The following CIC variants were observed in gnomAD, a reference collection of about 807,000 sequenced individuals.
CIC encodes capicua transcriptional repressor.
Under a neutral mutation model 115.7 loss-of-function variants are expected in CIC, and 18 were observed. The observed-to-expected ratio is 0.16, with a 90% CI of 0.11 to 0.23. CIC has a LOEUF of 0.23. CIC is among the 10% of genes least tolerant of loss of function. The probability of loss-of-function intolerance (pLI) is 1.00; values close to 1 mark genes in which losing one functional copy is unlikely to be tolerated. For missense variants in CIC, 2,000 were observed against 2,159.3 expected, an observed-to-expected ratio of 0.93 and a Z score of 1.46; for synonymous variants, 1,076 against 923.0, an observed-to-expected ratio of 1.17 and a Z score of -3.01.
chr19:42,293,941 C>G lies in CIC; in HGVS notation c.6774C>G (p.Val2258=). ...GACCCTGCCGGCCCTCCAGCAGGGT[C>G]CTGTCAGAAGTGGACTTCGAAGAGC... The part of the protein sequence containing the change: ...KKTFDSVDNR[V]LSEVDFEERF... Residue 2258 remains valine, a synonymous_variant, in exon 18 of 21, where the codon GTC becomes GTG. Coordinates refer to ENST00000681038, the MANE Select transcript of CIC (RefSeq NM_001386298.1). The G allele has an allele frequency of 6.2e-7, 1 of 1,613,162 alleles. No individual in the cohort carries two copies. Among genetic ancestry groups the G allele is most frequent in the Middle Eastern group, 1.6e-4 (1 of 6,062 alleles).
In CIC at chr19:42,295,446, A is replaced by G. The variant is rs899710997; in HGVS notation, c.*255A>G. The G allele has an allele frequency of 1.7e-5, 8 of 474,446 alleles. No individual in the cohort carries two copies. The Admixed American group carries it at 2.7e-4, about 16-fold the overall frequency. 29.4% of individuals were successfully genotyped at this position (474,446 alleles called of 1,614,324 possible). Reference sequence around the variant, plus strand: ...ATAACCTGGAGCGTGTGACCTTCAGAGCTTTTCACTTTATGCAAAATGGCT... The same window carrying G: ...ATAACCTGGAGCGTGTGACCTTCAGGGCTTTTCACTTTATGCAAAATGGCT... On this transcript the variant is annotated 3_prime_UTR_variant, in exon 21 of 21. Coordinates refer to ENST00000681038, the MANE Select transcript of CIC (RefSeq NM_001386298.1).
intron 2 of CIC, among the ~76,000 whole-genome samples, chr19:42,279,258 G>C (rs896894531): frequency 2.0e-5 from 3 of 152,206 alleles, no homozygotes; most frequent in Non-Finnish European, 4.4e-5. Context: ...ATCTCCACCA[G>C]CAGAAGCCAG....
chr19:42,273,911 A>G lies in CIC; in HGVS notation c.2128A>G (p.Ser710Gly), dbSNP rs1162161837. Residue 710 changes from serine to glycine, a missense_variant, in exon 2 of 21, where the codon AGC (serine) becomes GGC (glycine). Physicochemically the swap from Ser to Gly is moderately conservative, Grantham distance 56 (BLOSUM62 0). Coordinates refer to ENST00000681038, the MANE Select transcript of CIC (RefSeq NM_001386298.1). Reference protein sequence around the residue: ...QTNLTFTVPISPGRRKTELLP... With the variant: ...QTNLTFTVPIGPGRRKTELLP... ...CAACCTGACCTTCACCGTGCCCATCAGCCCTGGGCGACGGAAGACAGAGCT... is the reference window on the plus strand; with the variant it reads ...CAACCTGACCTTCACCGTGCCCATCGGCCCTGGGCGACGGAAGACAGAGCT... 5.0e-6 allele frequency: 2 copies of G among 397,914 alleles called. No homozygotes were observed. The highest frequency in any genetic ancestry group is 8.9e-6 in the Non-Finnish European group (2 of 225,974). The allele number at this position is 397,914 out of a possible 1,614,324, so 24.6% of individuals were successfully genotyped here.
Position 42,273,900 on chromosome 19 carries a change from C to G in CIC, c.2117C>G (p.Thr706Ser). 2.5e-6 allele frequency: 1 copy of G among 398,636 alleles called. No individual in the cohort carries two copies. Among genetic ancestry groups the G allele is most frequent in the Non-Finnish European group, 4.4e-6 (1 of 226,088 alleles). 24.7% of individuals were successfully genotyped at this position (398,636 alleles called of 1,614,324 possible). A position where few individuals can be genotyped will look rare whatever the true frequency, so the allele number is the denominator to read the frequency against. Residue 706 changes from threonine (T) to serine (S), a missense_variant, in exon 2 of 21, where the codon ACC becomes AGC. This residue lies in a region of CIC where 222 missense variants were observed against 247.7 expected (regional missense o/e 0.90). Coordinates refer to ENST00000681038, the MANE Select transcript of CIC (RefSeq NM_001386298.1). Reference sequence around the variant, plus strand: ...ACCTTCCAGACCAACCTGACCTTCACCGTGCCCATCAGCCCTGGGCGACGG... The same window carrying G: ...ACCTTCCAGACCAACCTGACCTTCAGCGTGCCCATCAGCCCTGGGCGACGG... ...LPTFQTNLTF[T>S]VPISPGRRKT... is the part of the protein sequence containing the mutation.
At position 42,291,271 on chromosome 19, in the gene CIC, C is replaced by A; in HGVS notation, c.5230C>A (p.Gln1744Lys). The A allele has an allele frequency of 1.2e-6, 2 of 1,612,728 alleles. No individual in the cohort carries two copies. Among genetic ancestry groups the A allele is most frequent in the South Asian group, 2.2e-5 (2 of 91,054 alleles). ...VQYILPTLPQ[Q>K]LQVAPAPAPA... ...GTACATCCTGCCCACGCTGCCCCAG[C>A]AGCTTCAGGTGGCACCTGCCCCAGC... The change falls in exon 11 of 21, where the codon CAG becomes AAG. Residue 1744 changes from glutamine (Q) to lysine (K), a missense_variant. Coordinates refer to ENST00000681038, the MANE Select transcript of CIC (RefSeq NM_001386298.1).
Position 42,292,433 on chromosome 19 carries a change from A to G in CIC, c.5869A>G (p.Ser1957Gly), listed in dbSNP as rs2147300687. The G allele has an allele frequency of 6.2e-7, 1 of 1,611,214 alleles. No individual in the cohort carries two copies. The highest frequency in any genetic ancestry group is 8.5e-7 in the Non-Finnish European group (1 of 1,178,742). ...VALGFTSLGP[S>G]GPAFVQPLLS... ...TCTAGGCTTCACCTCGCTGGGGCCCAGCGGCCCCGCCTTCGTGCAGCCCCT... is the reference window on the plus strand; with the variant it reads ...TCTAGGCTTCACCTCGCTGGGGCCCGGCGGCCCCGCCTTCGTGCAGCCCCT... The change falls in exon 14 of 21, where the codon AGC (serine) becomes GGC (glycine). Residue 1957 changes from serine (S) to glycine (G), a missense_variant. Around this residue, in one of 8 missense-constraint regions of CIC, gnomAD observed 1,466 missense variants for 1,390.4 expected, o/e 1.05. Coordinates refer to ENST00000681038, the MANE Select transcript of CIC (RefSeq NM_001386298.1).
At chr19:42,277,696 T>C (rs1441552435) in intron 2 of CIC, among the ~76,000 whole-genome samples, 1 of 152,214 alleles carries the variant, frequency 6.6e-6, no homozygotes, top group East Asian at 1.9e-4. Context: ...TGCTGTGAAG[T>C]AGATTGCCAG....
In CIC at chr19:42,272,951, G is replaced by A; in HGVS notation, c.1168G>A (p.Gly390Ser). Residue 390 changes from glycine to serine, a missense_variant, in exon 2 of 21, where the codon GGT (glycine) becomes AGT (serine). Physicochemically the swap from Gly to Ser is moderately conservative, Grantham distance 56. Transcript: ENST00000681038. ...TGCTGAGGTCTCTAAGATCAGCTTTGGTGGCAACCTGGGTACTCACTGTGA... is the reference window on the plus strand; with the variant it reads ...TGCTGAGGTCTCTAAGATCAGCTTTAGTGGCAACCTGGGTACTCACTGTGA... The part of the protein sequence containing the change: ...EDAEVSKISF[G>S]GNLGTHCEEG... 2.5e-6 allele frequency: 1 copy of A among 399,062 alleles called. No homozygotes were observed. The highest frequency in any genetic ancestry group is 4.4e-6 in the Non-Finnish European group (1 of 226,348). The allele number at this position is 399,062 out of a possible 1,614,324, so 24.7% of individuals were successfully genotyped here.
Position 42,274,478 on chromosome 19 carries a change from C to T in CIC, c.2695C>T (p.His899Tyr), listed in dbSNP as rs1340703689. 1 of 398,802 alleles carries T rather than the reference C, an allele frequency of 2.5e-6. No individual in the cohort carries two copies. Among genetic ancestry groups the T allele is most frequent in the East Asian group, 3.6e-5 (1 of 28,098 alleles). The allele number at this position is 398,802 out of a possible 1,614,324, so 24.7% of individuals were successfully genotyped here. Residue 899 changes from histidine to tyrosine, a missense_variant, in exon 2 of 21, where the codon CAC becomes TAC. Coordinates refer to ENST00000681038, the MANE Select transcript of CIC (RefSeq NM_001386298.1). ...ASSPFQPVAFHPSPAALLPVL... is the reference protein window; with the variant it reads ...ASSPFQPVAFYPSPAALLPVL... ...TTCACCCTTTCAGCCTGTGGCCTTC[C>T]ACCCCTCACCTGCTGCCCTGTTGCC...
At position 42,273,621 on chromosome 19, in the gene CIC, C is replaced by T. The variant is rs2036863626; in HGVS notation, c.1838C>T (p.Thr613Met). ...LVSLGSSRSG[T>M]PSFSPVSTQS... is the part of the protein sequence containing the mutation. Reference sequence around the variant, plus strand: ...TCGCTGGGCAGCTCGCGCTCAGGCACGCCCTCCTTCTCACCCGTCTCCACT... The same window carrying T: ...TCGCTGGGCAGCTCGCGCTCAGGCATGCCCTCCTTCTCACCCGTCTCCACT... The change falls in exon 2 of 21, where the codon ACG becomes ATG. Residue 613 changes from threonine to methionine, a missense_variant. Thr to Met is a moderately conservative substitution (Grantham distance 81). Around this residue, in one of 8 missense-constraint regions of CIC, gnomAD observed 222 missense variants for 247.7 expected, o/e 0.90. Coordinates refer to ENST00000681038, the MANE Select transcript of CIC (RefSeq NM_001386298.1). The T allele has an allele frequency of 2.5e-6, 1 of 398,668 alleles. No homozygotes were observed. The highest frequency in any genetic ancestry group is 3.6e-5 in the East Asian group (1 of 28,078). The allele number at this position is 398,668 out of a possible 1,614,324, so 24.7% of individuals were successfully genotyped here.
chr19:42,284,697 G>A, intron 2 of CIC: 1 of 1,544,844 alleles, frequency 6.5e-7, no homozygotes, highest in Non-Finnish European at 8.7e-7. Flanking sequence ...TCCCCCCTGC[G>A]CCGGACCATG....
At position 42,273,050 on chromosome 19, in the gene CIC, T is replaced by G; in HGVS notation, c.1267T>G (p.Ser423Ala). 4 of 399,154 alleles carry G rather than the reference T, an allele frequency of 1.0e-5. No homozygotes were observed. The highest frequency in any genetic ancestry group is 1.8e-5 in the Non-Finnish European group (4 of 226,434). 24.7% of individuals were successfully genotyped at this position (399,154 alleles called of 1,614,324 possible). The change falls in exon 2 of 21, where the codon TCA becomes GCA. Residue 423 changes from serine to alanine, a missense_variant. Physicochemically the swap from Ser to Ala is moderately conservative, Grantham distance 99. Coordinates refer to ENST00000681038, the MANE Select transcript of CIC (RefSeq NM_001386298.1). ...LLPLPPPQLLSPPPKSPAFVG... is the reference protein window; with the variant it reads ...LLPLPPPQLLAPPPKSPAFVG... ...CCCACTGCCCCCACCCCAGCTCCTG[T>G]CACCACCACCCAAGTCTCCAGCCTT...
chr19:42,289,086 C>T lies in CIC; in HGVS notation c.3857C>T (p.Thr1286Met), dbSNP rs763699553. Reference sequence around the variant, plus strand: ...GACAGTCAGGCGCTACAGGAACTGACGCAGGTCTAGGGTGCAGGCCCCCTA... The same window carrying T: ...GACAGTCAGGCGCTACAGGAACTGATGCAGGTCTAGGGTGCAGGCCCCCTA... ...EVDSQALQEL[T>M]QMVSGPASYS... Residue 1286 changes from threonine (T) to methionine (M), a missense_variant, in exon 8 of 21, where the codon ACG becomes ATG. This residue lies in a region of CIC where 1,466 missense variants were observed against 1,390.4 expected (regional missense o/e 1.05). Coordinates refer to ENST00000681038, the MANE Select transcript of CIC (RefSeq NM_001386298.1). 1.1e-5 allele frequency: 18 copies of T among 1,613,420 alleles called. No individual in the cohort carries two copies. In the South Asian group the frequency reaches 1.3e-4, roughly 12 times the overall value.
At position 42,287,803 on chromosome 19, in the gene CIC, C is replaced by G. The variant is rs781232944; in HGVS notation, c.3493-7C>G. The stretch of plus-strand genomic sequence containing the variant: ...GAGTGAAGGGTTGCCCTGCCCTCTC[C>G]TGCCAGGTGAAGGAGGCCCACTTCA... On this transcript the variant is annotated splice_region_variant and splice_polypyrimidine_tract_variant and intron_variant, in intron 6 of 20. Coordinates refer to ENST00000681038, the MANE Select transcript of CIC (RefSeq NM_001386298.1). This position sits in a 1 kb window ranked among gnomAD's most constrained non-coding sequence, Gnocchi z 8.7. The G allele has an allele frequency of 5.0e-6, 8 of 1,614,042 alleles. No homozygotes were observed. The Admixed American group carries it at 1.3e-4, about 27-fold the overall frequency.
chr19:42,281,732 C>A (rs190459131), intron 2 of CIC, among the ~76,000 whole-genome samples: 2 of 152,344 alleles, frequency 1.3e-5, no homozygotes, highest in East Asian at 3.9e-4. Flanking sequence ...CGGATTCCCG[C>A]CCCTCCCTGC....
At chr19:42,293,535 C>G (rs954370156) in intron 16 of CIC, 57 bp from the exon 17 acceptor site, 67 of 1,611,904 alleles carry the variant, frequency 4.2e-5, no homozygotes, top group Non-Finnish European at 5.6e-5. Flanking sequence ...TGTTTCTGGC[C>G]TTTGCCCCAG....
chr19:42,292,681 T>C lies in CIC; in HGVS notation c.6018T>C (p.Ser2006=), dbSNP rs142078348. The change falls in exon 15 of 21, where the codon TCT becomes TCC. Residue 2006 remains serine (S), a synonymous_variant. Coordinates refer to ENST00000681038, the MANE Select transcript of CIC (RefSeq NM_001386298.1). ...GTCCTGTCATAACAGCATTTTACTCTGGCAGCCCTGCACCCACCTCCTCAG... is the reference window on the plus strand; with the variant it reads ...GTCCTGTCATAACAGCATTTTACTCCGGCAGCCCTGCACCCACCTCCTCAG... The part of the protein sequence containing the change: ...PGGPVITAFY[S]GSPAPTSSAP... 1.2e-3 allele frequency: 1,918 copies of C among 1,613,814 alleles called. 13 individuals carry two copies. The highest frequency in any genetic ancestry group is 0.01 in the South Asian group (950 of 91,086).
Position 42,291,415 on chromosome 19 carries a change from AC to A in CIC, c.5375del (p.Thr1792IlefsTer41). ...CAAAGTCCTGGCTGCCACTGCACCC[AC>A]TCCTGGCATCCCCATCCTGCAGTCT... ...NGKVLAATAPTPGIPILQSVP... is the reference protein window; with the variant it reads ...NGKVLAATAPXPGIPILQSVP... On this transcript the variant is annotated frameshift_variant, in exon 11 of 21. Coordinates refer to ENST00000681038, the MANE Select transcript of CIC (RefSeq NM_001386298.1). LOFTEE classifies it high-confidence loss of function. 1 of 1,611,966 alleles carries A rather than the reference AC, an allele frequency of 6.2e-7. No homozygotes were observed. The highest frequency in any genetic ancestry group is 8.5e-7 in the Non-Finnish European group (1 of 1,179,666).
intron 19 of CIC, 114 bp from the exon 20 acceptor site, chr19:42,294,489 CT>C: frequency 6.4e-7 from 1 of 1,570,438 alleles, no homozygotes; most frequent in South Asian, 1.1e-5. Context: ...GGCAGGACCC[CT>C]CTCTGACTCC....
Sources: gnomAD v4.1 joint callset for allele counts (sites outside exome capture counted in the v4.1 genomes callset) on GRCh38, gnomAD v4.1.1 for gene constraint, gnomAD v4.1.1 regional missense constraint, Gnocchi (gnomAD v3.1) non-coding constraint, MANE v1.5 for transcripts, NCBI Gene and HGNC (gene_info 2026-07-23, HGNC 2026-07-21) for gene names.